Variants in GALNT13 observed in about 807,000 individuals in gnomAD.
The protein encoded by GALNT13 is UDP-GalNAc:polypeptide N-acetylgalactosaminyltransferase 13.
In GALNT13, 28 loss-of-function variants were observed where a neutral mutation model predicts 64.2. That is an observed-to-expected ratio of 0.44 (90% confidence interval 0.32 to 0.60). The LOEUF (loss-of-function observed/expected upper bound fraction) is 0.60. GALNT13 is among the 20% of genes least tolerant of loss of function. The pLI, the probability that GALNT13 is intolerant of heterozygous loss-of-function variation, is 0.05. For missense variants in GALNT13, 577 were observed against 669.8 expected, an observed-to-expected ratio of 0.86 and a Z score of 1.53; for synonymous variants, 214 against 224.6, an observed-to-expected ratio of 0.95 and a Z score of 0.42.
chr2:153,968,457 C>G (rs10931861), intron 3 of GALNT13, among the ~76,000 whole-genome samples: 117,489 of 152,106 alleles, frequency 0.77, 45,797 homozygotes, highest in East Asian at 0.96. Flanking sequence ...GGTTAGAGTA[C>G]GGGTGTTGTA....
At chr2:153,946,084 T>C (rs72865053) in intron 3 of GALNT13, among the ~76,000 whole-genome samples, 10,663 of 152,188 alleles carry the variant, frequency 0.07, 442 homozygotes, top group Middle Eastern at 0.13. Context: ...CCAGAATTAA[T>C]CAGCCTTCTG....
the GALNT13 span, among the ~76,000 whole-genome samples, chr2:153,069,125 C>A: frequency 6.6e-6 from 1 of 152,142 alleles, no homozygotes; most frequent in East Asian, 1.9e-4. Flanking sequence ...GTGGTGCTAC[C>A]TCTTTGACCT....
chr2:153,088,076 C>G, the GALNT13 span, among the ~76,000 whole-genome samples: 4 of 151,796 alleles, frequency 2.6e-5, no homozygotes, highest in South Asian at 8.3e-4. Context: ...TACTTGTGCT[C>G]TTTCAGACTT....
chr2:153,369,177 G>GA, the GALNT13 span, among the ~76,000 whole-genome samples: 1 of 151,852 alleles, frequency 6.6e-6, no homozygotes, highest in Admixed American at 6.6e-5. Context: ...GCAGTTCTTA[G>GA]AAAAAACAAG....
At chr2:153,642,657 AT>A in the GALNT13 span, among the ~76,000 whole-genome samples, 19 of 152,058 alleles carry the variant, frequency 1.2e-4, no homozygotes, top group South Asian at 3.9e-3. Flanking sequence ...ATGAAGAGAG[AT>A]TTCATAGCAG....
the GALNT13 span, among the ~76,000 whole-genome samples, chr2:153,747,422 G>GTTT: frequency 9.9e-3 from 924 of 93,738 alleles, 119 homozygotes; most frequent in African/African-American, 0.044. Context: ...AGTGCCTTTG[G>GTTT]TTTTTTTTTT....
At chr2:153,414,901 A>T in the GALNT13 span, among the ~76,000 whole-genome samples, 1 of 152,138 alleles carries the variant, frequency 6.6e-6, no homozygotes, top group African/African-American at 2.4e-5. Context: ...AATGTTTCAG[A>T]CCAGTCAGGG....
At chr2:153,720,060 T>A in the GALNT13 span, among the ~76,000 whole-genome samples, 1 of 148,570 alleles carries the variant, frequency 6.7e-6, no homozygotes, top group Non-Finnish European at 1.5e-5. Flanking sequence ...TAAATGTCCC[T>A]GTCTGACAGC....
At chr2:153,166,621 A>ATG in the GALNT13 span, among the ~76,000 whole-genome samples, 10,793 of 122,538 alleles carry the variant, frequency 0.088, 561 homozygotes, top group Middle Eastern at 0.13. Context: ...TGCCTACTGC[A>ATG]TGTGTGTGTG....
In GALNT13 at chr2:153,956,373, T is replaced by C. The variant is rs143027510; in HGVS notation, c.142+11734T>C. Among the ~76,000 whole-genome samples, 715 of 152,328 alleles carry C rather than the reference T, an allele frequency of 4.7e-3. 6 individuals are homozygous for C. The highest frequency in any genetic ancestry group is 0.016 in the African/African-American group (659 of 41,578). Reference sequence around the variant, plus strand: ...ATACCTTAAGAAAATTTGGTTCAGATATAGAGACCATTTTCTAAAAAGCCT... The same window carrying C: ...ATACCTTAAGAAAATTTGGTTCAGACATAGAGACCATTTTCTAAAAAGCCT... On this transcript the variant is annotated intron_variant, in intron 3 of 12. Transcript: ENST00000392825.
At chr2:154,406,227 A>G (rs569833647) in intron 10 of GALNT13, among the ~76,000 whole-genome samples, 15 of 152,246 alleles carry the variant, frequency 9.9e-5, no homozygotes, top group African/African-American at 2.9e-4. Context: ...CCTTCAAAAT[A>G]TATCTGAAAT....
intron 8 of GALNT13, among the ~76,000 whole-genome samples, chr2:154,283,533 G>A (rs538149699): frequency 3.4e-4 from 50 of 148,308 alleles, no homozygotes; most frequent in African/African-American, 1.2e-3. Context: ...CTTCGAGATC[G>A]CACCACTGCA....
intron 3 of GALNT13, among the ~76,000 whole-genome samples, chr2:154,083,230 A>T (rs753396373): frequency 3.3e-5 from 5 of 151,786 alleles, no homozygotes; most frequent in Non-Finnish European, 7.4e-5. Flanking sequence ...GTAGATGTGT[A>T]GCATTATTTC....
intron 8 of GALNT13, among the ~76,000 whole-genome samples, chr2:154,275,268 A>G (rs1559062429): frequency 6.6e-6 from 1 of 151,970 alleles, no homozygotes; most frequent in Non-Finnish European, 1.5e-5. Flanking sequence ...GACAATGGGG[A>G]AAAGGTTTCC....
At chr2:153,841,681 AT>A in the GALNT13 span, among the ~76,000 whole-genome samples, 1 of 152,134 alleles carries the variant, frequency 6.6e-6, no homozygotes, top group African/African-American at 2.4e-5. Context: ...CTCTCATAAT[AT>A]TTATTATACA....
chr2:154,166,528 A>G (rs535430251), intron 4 of GALNT13, among the ~76,000 whole-genome samples: 128 of 152,356 alleles, frequency 8.4e-4, no homozygotes, highest in African/African-American at 2.3e-3. Flanking sequence ...CACTGTTGGT[A>G]GGACAGTAAA....
chr2:153,201,114 A>G, the GALNT13 span, among the ~76,000 whole-genome samples: 66 of 152,328 alleles, frequency 4.3e-4, no homozygotes, highest in East Asian at 9.4e-3. Context: ...ATAAGACAGA[A>G]TCACACAACT....
At chr2:153,809,550 C>A in the GALNT13 span, among the ~76,000 whole-genome samples, 5 of 152,070 alleles carry the variant, frequency 3.3e-5, no homozygotes, top group Non-Finnish European at 5.9e-5. Context: ...AAACTTTTGC[C>A]TGTATATCTT....
chr2:153,190,258 T>C, the GALNT13 span, among the ~76,000 whole-genome samples: 5 of 152,030 alleles, frequency 3.3e-5, no homozygotes, highest in Non-Finnish European at 5.9e-5. Context: ...AGTAATTTTC[T>C]ATATGGTGGG....
Sources: allele counts gnomAD v4.1 joint callset (sites outside exome capture counted in the v4.1 genomes callset), GRCh38; gene constraint gnomAD v4.1.1; transcripts MANE v1.5; gene names NCBI Gene and HGNC (gene_info 2026-07-23, HGNC 2026-07-21).